Variants in MIS18BP1 observed in about 807,000 individuals in gnomAD.
MIS18BP1 encodes the protein MIS18 binding protein 1, also known as mis18-binding protein 1.
In MIS18BP1, 72 loss-of-function variants were observed where a neutral mutation model predicts 116.1. The observed-to-expected ratio is 0.62, with a 90% CI of 0.51 to 0.75. MIS18BP1 has a LOEUF of 0.75. MIS18BP1 is among the 30% of genes least tolerant of loss of function. The probability of loss-of-function intolerance (pLI) is 0.00; values close to 1 mark genes in which losing one functional copy is unlikely to be tolerated. For synonymous variants in MIS18BP1, 386 were observed against 427.0 expected, an observed-to-expected ratio of 0.90 and a Z score of 1.18; for missense variants, 1,363 against 1,303.2, an observed-to-expected ratio of 1.05 and a Z score of -0.71.
intron 2 of MIS18BP1, among the ~76,000 whole-genome samples, chr14:45,243,141 C>T (rs1005596104): frequency 1.3e-5 from 2 of 152,052 alleles, no homozygotes; most frequent in Non-Finnish European, 2.9e-5. Flanking sequence ...CAGCTCTAGA[C>T]AAAAGTATTG....
At chr14:45,247,973 A>G (rs1191179321) in intron 1 of MIS18BP1, among the ~76,000 whole-genome samples, 2 of 148,550 alleles carry the variant, frequency 1.3e-5, no homozygotes, top group Admixed American at 6.7e-5. Context: ...TTTCATTCTG[A>G]TTTTTTTTAA....
intron 4 of MIS18BP1, among the ~76,000 whole-genome samples, chr14:45,238,922 T>C (rs920511029): frequency 1.3e-5 from 2 of 152,192 alleles, no homozygotes; most frequent in African/African-American, 4.8e-5. Context: ...GACACAAATA[T>C]GGCTTCTGTT....
At chr14:45,208,886 C>G (rs1438107623) in intron 14 of MIS18BP1, among the ~76,000 whole-genome samples, 1 of 152,132 alleles carries the variant, frequency 6.6e-6, no homozygotes, top group Non-Finnish European at 1.5e-5. Flanking sequence ...GTGGAAATTG[C>G]TCTAAGATCA....
chr14:45,219,643 A>G (rs1036626972), intron 11 of MIS18BP1, among the ~76,000 whole-genome samples: 11 of 152,376 alleles, frequency 7.2e-5, no homozygotes, highest in Admixed American at 6.5e-4. Flanking sequence ...GCTCTTGTGA[A>G]CAGCTACCAG....
chr14:45,223,942 TCATTC>T lies in MIS18BP1; in HGVS notation c.2640_2644del (p.Trp880Ter). 6.3e-7 allele frequency: 1 copy of T among 1,586,154 alleles called. No individual in the cohort carries two copies. Among genetic ancestry groups the T allele is most frequent in the Non-Finnish European group, 8.5e-7 (1 of 1,171,488 alleles). On this transcript the variant is annotated stop_gained and frameshift_variant, in exon 11 of 17. Coordinates refer to ENST00000310806, the MANE Select transcript of MIS18BP1 (RefSeq NM_018353.5). LOFTEE classifies it high-confidence loss of function. ...CCAATGAAGTTTCTGTAACTCCTTCTCATTCCATTCCTTATCCTGAATTAAACCAG... is the reference window on the plus strand; with the variant it reads ...CCAATGAAGTTTCTGTAACTCCTTCTCATTCCTTATCCTGAATTAAACCAG...
Position 45,226,809 on chromosome 14 carries a change from T to C in MIS18BP1, c.1774A>G (p.Met592Val), listed in dbSNP as rs1247736501. 1.4e-6 allele frequency: 2 copies of C among 1,400,134 alleles called. No individual in the cohort carries two copies. Among genetic ancestry groups the C allele is most frequent in the Non-Finnish European group, 1.9e-6 (2 of 1,054,660 alleles). 86.7% of individuals were successfully genotyped at this position (1,400,134 alleles called of 1,614,324 possible). Residue 592 changes from methionine to valine, a missense_variant, in exon 10 of 17, where the codon ATG becomes GTG. Transcript: ENST00000310806. Reference sequence around the variant, plus strand: ...CCAATTTTTAGTTTCTTTGAAGACATTTTATATTCTTTTTTTCCAATTAAT... The same window carrying C: ...CCAATTTTTAGTTTCTTTGAAGACACTTTATATTCTTTTTTTCCAATTAAT... ...QELIGKKEYK[M>V]SSKKLKIGER...
At chr14:45,226,644 T>C in intron 10 of MIS18BP1, 99 bp downstream of exon 10, 1 of 1,007,032 alleles carries the variant, frequency 9.9e-7, no homozygotes, top group Non-Finnish European at 1.3e-6. Flanking sequence ...AATTTGCCAT[T>C]TTACATGAGG....
Position 45,247,375 on chromosome 14 carries a change from A to C in MIS18BP1, c.-89T>G. On this transcript the variant is annotated splice_region_variant and 5_prime_UTR_variant, in exon 2 of 17. Coordinates refer to ENST00000310806, the MANE Select transcript of MIS18BP1 (RefSeq NM_018353.5). The stretch of plus-strand genomic sequence containing the variant: ...TAGAACTTCAGAAGGGATCCACAGA[A>C]ACCTGTAGTTCAACGTAAAATCAGC... 9.0e-7 allele frequency: 1 copy of C among 1,110,670 alleles called. No homozygotes were observed. Among genetic ancestry groups the C allele is most frequent in the South Asian group, 1.7e-5 (1 of 59,000 alleles). The allele number at this position is 1,110,670 out of a possible 1,614,324, so 68.8% of individuals were successfully genotyped here.
rs116355252 is a variant in MIS18BP1, at chr14:45,243,444, T to C, written c.545-570A>G. 4.0e-3 allele frequency among the ~76,000 whole-genome samples: 602 copies of C among 152,264 alleles called. 3 individuals are homozygous for C. The highest frequency in any genetic ancestry group is 0.014 in the African/African-American group (583 of 41,558). On this transcript the variant is annotated intron_variant, in intron 2 of 16. Coordinates refer to ENST00000310806, the MANE Select transcript of MIS18BP1 (RefSeq NM_018353.5). ...TCTCAACTAGATAAATAAGGACTAA[T>C]AGCACTGCTTGCATCTTATTCTGCT...
intron 7 of MIS18BP1, among the ~76,000 whole-genome samples, chr14:45,232,156 C>A (rs1160362833): frequency 6.6e-6 from 1 of 152,062 alleles, no homozygotes; most frequent in Non-Finnish European, 1.5e-5. Flanking sequence ...GTGTCTCACG[C>A]CTATAATCCC....
chr14:45,229,636 A>G (rs935939696), intron 8 of MIS18BP1, among the ~76,000 whole-genome samples: 1 of 152,212 alleles, frequency 6.6e-6, no homozygotes, highest in African/African-American at 2.4e-5. Flanking sequence ...CTTTACTGAT[A>G]ATATTTGCAA....
rs141299381 is a variant in MIS18BP1, at chr14:45,224,046, A to G, written c.2541T>C (p.Gly847=). The G allele has an allele frequency of 1.6e-3, 2,600 of 1,613,854 alleles. 37 individuals are homozygous for G. In the Admixed American group the frequency reaches 0.029, roughly 18 times the overall value. Residue 847 remains glycine (G), a synonymous_variant, in exon 11 of 17, where the codon GGT becomes GGC. Transcript: ENST00000310806. ...PSVKETLQKS[G]VRKEFPITEA... Reference sequence around the variant, plus strand: ...CAGTAATTGGAAACTCTTTCCTAACACCAGACTTCTGAAGAGTTTCTTTGA... The same window carrying G: ...CAGTAATTGGAAACTCTTTCCTAACGCCAGACTTCTGAAGAGTTTCTTTGA...
chr14:45,219,815 T>C (rs1890924196), intron 11 of MIS18BP1, among the ~76,000 whole-genome samples: 2 of 152,226 alleles, frequency 1.3e-5, no homozygotes, highest in South Asian at 4.1e-4. Flanking sequence ...GTGTGGCTAA[T>C]TTCTAAATCT....
intron 8 of MIS18BP1, 97 bp downstream of exon 8, chr14:45,231,044 A>T (rs1241601297): frequency 7.7e-7 from 1 of 1,295,350 alleles, no homozygotes; most frequent in African/African-American, 1.5e-5. Flanking sequence ...ATACTATACT[A>T]TACACATTAC....
chr14:45,215,937 C>T (rs1566804995), intron 13 of MIS18BP1, among the ~76,000 whole-genome samples: 1 of 151,968 alleles, frequency 6.6e-6, no homozygotes, highest in Non-Finnish European at 1.5e-5. Context: ...ATCTCCTGAC[C>T]TCGTGATCTG....
At chr14:45,241,820 TG>T in intron 4 of MIS18BP1, 1 of 496,848 alleles carries the variant, frequency 2.0e-6, no homozygotes, top group Non-Finnish European at 3.5e-6. Context: ...ACTTAACATG[TG>T]GGTCTTCTTA....
At position 45,218,382 on chromosome 14, in the gene MIS18BP1, A is replaced by T. The variant is rs746276515; in HGVS notation, c.2742T>A (p.Ser914=). The part of the protein sequence containing the change: ...SEVAAAVGSR[S]PEECQRKYME... ...TGTATTTCCTCTGGCATTCTTCAGG[A>T]GATCGAGAACCTACAGCCGCAGCTA... Residue 914 remains serine, a synonymous_variant, in exon 12 of 17, where the codon TCT becomes TCA. Transcript: ENST00000310806. 2.5e-6 allele frequency: 4 copies of T among 1,613,976 alleles called. No homozygotes were observed. The Admixed American group carries it at 6.7e-5, about 27-fold the overall frequency.
chr14:45,235,474 C>T (rs1470658338), intron 6 of MIS18BP1, among the ~76,000 whole-genome samples: 3 of 150,316 alleles, frequency 2.0e-5, no homozygotes, highest in Non-Finnish European at 3.0e-5. Context: ...ACCTTAGTCC[C>T]GGCTACTCAG....
At chr14:45,226,863 T>G in intron 9 of MIS18BP1, 27 bp from the exon 10 acceptor site, 1 of 1,319,328 alleles carries the variant, frequency 7.6e-7, no homozygotes, top group Non-Finnish European at 1.0e-6. Flanking sequence ...TACCTAGGTT[T>G]TATTTTAAAA....
Sources: gnomAD v4.1 joint callset for allele counts (sites outside exome capture counted in the v4.1 genomes callset) on GRCh38, gnomAD v4.1.1 for gene constraint, MANE v1.5 for transcripts, NCBI Gene and HGNC (gene_info 2026-07-23, HGNC 2026-07-21) for gene names.